The following TAB1 variants were observed in gnomAD, a reference collection of about 807,000 sequenced individuals.
The protein encoded by TAB1 is TGF-beta-activated kinase 1 and MAP3K7-binding protein 1.
TAB1 carries 30 observed loss-of-function variants against 54.5 expected under a neutral mutation model. The observed-to-expected ratio is 0.55, with a 90% CI of 0.41 to 0.75. TAB1 has a LOEUF of 0.75. TAB1 is among the 30% of genes least tolerant of loss of function. TAB1 has a pLI of 0.00. For missense variants in TAB1, 609 were observed against 683.2 expected (o/e 0.89, Z 1.21); for synonymous variants, 289 against 286.9 (o/e 1.01, Z -0.07).
intron 7 of TAB1, among the ~76,000 whole-genome samples, chr22:39,421,303 A>T (rs1210350687): frequency 6.6e-6 from 1 of 150,954 alleles, no homozygotes; most frequent in Non-Finnish European, 1.5e-5. Context: ...AAGTTCTTAG[A>T]CTCCGCTCTT....
At chr22:39,411,446 C>T (rs1199772268) in intron 1 of TAB1, among the ~76,000 whole-genome samples, 1 of 152,184 alleles carries the variant, frequency 6.6e-6, no homozygotes, top group Non-Finnish European at 1.5e-5. Flanking sequence ...ACTTGCACTT[C>T]ACCAAAGAGG....
downstream of TAB1, chr22:39,433,233 T>G (rs1440610724): frequency 1.0e-6 from 1 of 963,024 alleles, no homozygotes. Context: ...AGGCAGATCA[T>G]GAGGTCAGGA....
At chr22:39,432,570 C>G (rs561632666), downstream of TAB1, 1 of 188,038 alleles carries the variant, frequency 5.3e-6, no homozygotes, top group Admixed American at 6.5e-5. Flanking sequence ...CTTCCCCAGC[C>G]GAGCCGCCAG....
intron 8 of TAB1, among the ~76,000 whole-genome samples, chr22:39,424,984 T>C (rs1342127633): frequency 1.3e-5 from 2 of 152,174 alleles, no homozygotes; most frequent in Admixed American, 1.3e-4. Flanking sequence ...AGAAACTTTA[T>C]GATGGTGAGA....
chr22:39,422,468 G>A (rs1215498932), intron 8 of TAB1, among the ~76,000 whole-genome samples: 1 of 145,710 alleles, frequency 6.9e-6, no homozygotes, highest in East Asian at 2.0e-4. Flanking sequence ...GAGTACAGTG[G>A]CATGATCTCG....
At chr22:39,433,428 G>A (rs1190878350), downstream of TAB1, 1 of 976,974 alleles carries the variant, frequency 1.0e-6, no homozygotes, top group East Asian at 1.2e-4. Flanking sequence ...TCCAGAGCCT[G>A]GGCGACAGAG....
chr22:39,422,410 T>C (rs989355620), intron 8 of TAB1, among the ~76,000 whole-genome samples: 1 of 140,168 alleles, frequency 7.1e-6, no homozygotes, highest in African/African-American at 2.7e-5. Context: ...CTTTTTTTTT[T>C]TTTTTTTTTT....
At chr22:39,419,075 G>T (rs1301897606) in intron 6 of TAB1, among the ~76,000 whole-genome samples, 1 of 152,218 alleles carries the variant, frequency 6.6e-6, no homozygotes, top group African/African-American at 2.4e-5. Flanking sequence ...AACCTACCTC[G>T]GGATGCTAGG....
chr22:39,405,062 C>A (rs1158140236), intron 1 of TAB1, among the ~76,000 whole-genome samples: 1 of 152,170 alleles, frequency 6.6e-6, no homozygotes, highest in East Asian at 1.9e-4. Flanking sequence ...GGTGCTTTTA[C>A]CACAAAAACA....
rs927659254 is a variant in TAB1, at chr22:39,399,934, C to T, written c.33+99C>T. 1.1e-5 allele frequency: 15 copies of T among 1,339,200 alleles called. No individual in the cohort carries two copies. In the African/African-American group the frequency reaches 1.8e-4, roughly 16 times the overall value. The allele number at this position is 1,339,200 out of a possible 1,614,324, so 83.0% of individuals were successfully genotyped here. A position where few individuals can be genotyped will look rare whatever the true frequency, so the allele number is the denominator to read the frequency against. On this transcript the variant is annotated intron_variant, in intron 1 of 10. Transcript: ENST00000216160. ...TCCTTCTCCGAGTTTGGACAGCCAC[C>T]CTCTCCGTGGTGGGGTGTGTCAGCC... is the stretch of plus-strand genomic sequence containing the variant.
intron 5 of TAB1, among the ~76,000 whole-genome samples, chr22:39,418,202 G>T (rs1926922712): frequency 6.6e-6 from 1 of 152,210 alleles, no homozygotes; most frequent in South Asian, 2.1e-4. Context: ...GATGGGGCTA[G>T]GTGACAGGGA....
chr22:39,413,384 GTGTT>G (rs1235496297), intron 1 of TAB1, among the ~76,000 whole-genome samples: 3 of 151,560 alleles, frequency 2.0e-5, no homozygotes, highest in Admixed American at 6.6e-5. Flanking sequence ...GCTCTAGCTT[GTGTT>G]TGTTTAATAT....
intron 1 of TAB1, among the ~76,000 whole-genome samples, chr22:39,402,391 C>T (rs971366268): frequency 6.6e-6 from 1 of 152,094 alleles, no homozygotes; most frequent in African/African-American, 2.4e-5. Context: ...TACTACAAGT[C>T]TATGTGTTGA....
chr22:39,436,446 T>C, downstream of TAB1: 1 of 1,518,176 alleles, frequency 6.6e-7, no homozygotes. Flanking sequence ...ATTTAAACTC[T>C]GGACTTTTCT....
In TAB1 at chr22:39,431,630, G is replaced by A; in HGVS notation, c.*1408G>A. The A allele has an allele frequency of 1.0e-6, 1 of 985,456 alleles. No homozygotes were observed. The highest frequency in any genetic ancestry group is 1.7e-5 in the African/African-American group (1 of 57,346). The allele number at this position is 985,456 out of a possible 1,614,324, so 61.0% of individuals were successfully genotyped here. Reference sequence around the variant, plus strand: ...GGGCCTGGTGTGGAACCAGGGAGCTGTGGGAAGCCACAGCAGAAATGGAAG... The same window carrying A: ...GGGCCTGGTGTGGAACCAGGGAGCTATGGGAAGCCACAGCAGAAATGGAAG... On this transcript the variant is annotated 3_prime_UTR_variant, in exon 11 of 11. Transcript: ENST00000216160.
chr22:39,428,680 A>G (rs1192845713), intron 10 of TAB1, among the ~76,000 whole-genome samples: 3 of 152,100 alleles, frequency 2.0e-5, no homozygotes, highest in East Asian at 3.9e-4. Flanking sequence ...GGTCTGGAGT[A>G]CACCCCACCC....
intron 9 of TAB1, among the ~76,000 whole-genome samples, chr22:39,427,170 G>A (rs1927386974): frequency 6.6e-6 from 1 of 152,188 alleles, no homozygotes; most frequent in Non-Finnish European, 1.5e-5. Flanking sequence ...GCCCCAGCAA[G>A]CAATTCACAG....
chr22:39,416,896 A>T lies in TAB1; in HGVS notation c.411+19A>T, dbSNP rs762306737. On this transcript the variant is annotated intron_variant, in intron 4 of 10. Transcript: ENST00000216160. Reference sequence around the variant, plus strand: ...GCCAGAGGTAATTTCCCCAGCCGACACCCAGGGGAGTCAAGTCCAGGCCCA... The same window carrying T: ...GCCAGAGGTAATTTCCCCAGCCGACTCCCAGGGGAGTCAAGTCCAGGCCCA... 2 of 1,613,182 alleles carry T rather than the reference A, an allele frequency of 1.2e-6. No homozygotes were observed. Among genetic ancestry groups the T allele is most frequent in the Admixed American group, 1.7e-5 (1 of 60,010 alleles).
intron 1 of TAB1, among the ~76,000 whole-genome samples, chr22:39,405,817 G>A (rs1750776558): frequency 1.3e-5 from 2 of 152,204 alleles, no homozygotes; most frequent in South Asian, 4.1e-4. Flanking sequence ...AGCTGCAGCA[G>A]CGTGAGTCCG....
Sources: gnomAD v4.1 joint callset for allele counts (sites outside exome capture counted in the v4.1 genomes callset) on GRCh38, gnomAD v4.1.1 for gene constraint, MANE v1.5 for transcripts, NCBI Gene and HGNC (gene_info 2026-07-23, HGNC 2026-07-21) for gene names.